Variants in CFAP47 observed in about 807,000 individuals in gnomAD.
The protein encoded by CFAP47 is cilia- and flagella-associated protein 47.
In CFAP47, 29 loss-of-function variants were observed where a neutral mutation model predicts 148.1. The ratio of observed to expected loss-of-function variants is 0.20; its 90% CI spans 0.15 to 0.27. The LOEUF (loss-of-function observed/expected upper bound fraction) is 0.27. CFAP47 is among the 10% of genes least tolerant of loss of function. CFAP47 has a pLI of 1.00. For missense variants in CFAP47, 1,872 were observed against 1,697.5 expected, an observed-to-expected ratio of 1.10 and a Z score of -1.81; for synonymous variants, 664 against 577.3, an observed-to-expected ratio of 1.15 and a Z score of -2.15.
intron 26 of CFAP47, among the ~76,000 whole-genome samples, chrX:36,056,036 C>T (rs1248621958): frequency 9.1e-6 from 1 of 109,661 alleles, no homozygotes; most frequent in Non-Finnish European, 1.9e-5. Flanking sequence ...TCTTTAAGTT[C>T]CTTGTACACT....
intron 57 of CFAP47, among the ~76,000 whole-genome samples, chrX:36,347,674 A>T (rs1401724037): frequency 9.0e-6 from 1 of 111,296 alleles, no homozygotes; most frequent in African/African-American, 3.3e-5. Flanking sequence ...GCAAACTATC[A>T]CAGGGTCAGA....
intron 49 of CFAP47, among the ~76,000 whole-genome samples, chrX:36,274,330 C>T (rs978166452): frequency 2.7e-5 from 3 of 111,631 alleles, no homozygotes. Context: ...TATGACTTTT[C>T]AACTTTATGA....
At chrX:36,218,367 G>A (rs1173575865) in intron 45 of CFAP47, among the ~76,000 whole-genome samples, 1 of 111,396 alleles carries the variant, frequency 9.0e-6, no homozygotes, top group African/African-American at 3.3e-5. Context: ...TCCTTGAAAG[G>A]TCCCCTCCTA....
At chrX:36,367,947 A>G (rs1602130200) in intron 62 of CFAP47, 1 of 111,804 alleles carries the variant, frequency 8.9e-6, no homozygotes, top group East Asian at 2.8e-4. Flanking sequence ...TATTTGATCC[A>G]TTTCTCGAGG....
intron 40 of CFAP47, among the ~76,000 whole-genome samples, chrX:36,184,074 G>T (rs767947089): frequency 1.9e-4 from 21 of 111,166 alleles, no homozygotes; most frequent in African/African-American, 6.5e-4. Context: ...CCCTACCAGT[G>T]GAGGAAGTTT....
chrX:36,062,661 T>G (rs776381929), intron 26 of CFAP47, among the ~76,000 whole-genome samples: 48 of 110,620 alleles, frequency 4.3e-4, no homozygotes, highest in African/African-American at 1.4e-3. Context: ...ATTTCCAGCA[T>G]AGGAAAATCC....
At chrX:36,252,546 G>A (rs1309114621) in intron 49 of CFAP47, among the ~76,000 whole-genome samples, 3 of 110,971 alleles carry the variant, frequency 2.7e-5, no homozygotes, top group Non-Finnish European at 3.8e-5. Context: ...TTTTTGAGAT[G>A]TTTAGATTTA....
At chrX:36,144,755 T>C (rs1339946325) in intron 35 of CFAP47, 1 of 1,024,941 alleles carries the variant, frequency 9.8e-7, no homozygotes. Context: ...TCGTGATCTC[T>C]TTCTCCCTTT....
chrX:36,238,512 G>A (rs782745268), intron 48 of CFAP47, among the ~76,000 whole-genome samples: 23 of 111,893 alleles, frequency 2.1e-4, no homozygotes, highest in African/African-American at 6.8e-4. Flanking sequence ...TCCTTAGGTT[G>A]CCTTACATTT....
At chrX:36,138,122 G>A (rs911663192) in intron 34 of CFAP47, 67 bp downstream of exon 34, 3 of 545,847 alleles carry the variant, frequency 5.5e-6, no homozygotes, top group African/African-American at 4.9e-5. Flanking sequence ...AAAATTTGAA[G>A]TGTATTTTCT....
chrX:36,268,623 A>C (rs955177139), intron 49 of CFAP47, among the ~76,000 whole-genome samples: 15 of 112,328 alleles, frequency 1.3e-4, no homozygotes, highest in African/African-American at 4.8e-4. Context: ...TTATTTAAAA[A>C]ATTAAACTTC....
At chrX:36,288,025 A>G (rs782305476) in intron 51 of CFAP47, among the ~76,000 whole-genome samples, 2 of 111,881 alleles carry the variant, frequency 1.8e-5, no homozygotes, top group South Asian at 3.7e-4. Context: ...ATACCTCCAG[A>G]TGTGGCAATG....
At chrX:36,238,054 CT>C (rs1231508901) in intron 48 of CFAP47, among the ~76,000 whole-genome samples, 5 of 109,648 alleles carry the variant, frequency 4.6e-5, no homozygotes, top group East Asian at 2.9e-4. Flanking sequence ...ATTTTAATGT[CT>C]TTTTTTTTCT....
intron 21 of CFAP47, among the ~76,000 whole-genome samples, chrX:36,004,333 G>A (rs1483441354): frequency 1.8e-5 from 2 of 110,839 alleles, no homozygotes; most frequent in Non-Finnish European, 3.8e-5. Context: ...AATCAGGAAG[G>A]CAATTTAATT....
intron 57 of CFAP47, among the ~76,000 whole-genome samples, chrX:36,343,800 G>A (rs190967040): frequency 2.0e-3 from 221 of 111,011 alleles, no homozygotes; most frequent in Admixed American, 3.3e-3. Context: ...TGTCCCCAGA[G>A]TGTGATATTC....
chrX:35,986,834 T>C (rs1209972374), intron 15 of CFAP47, among the ~76,000 whole-genome samples: 2 of 111,813 alleles, frequency 1.8e-5, no homozygotes, highest in Non-Finnish European at 3.8e-5. Context: ...TATTGCTTTC[T>C]GTTTGTTAGT....
At position 36,184,035 on chromosome X, in the gene CFAP47, G is replaced by A. The variant is rs181822050; in HGVS notation, c.6105-4585G>A. On this transcript the variant is annotated intron_variant, in intron 40 of 63. Transcript: ENST00000378653. ...ATAAGTCACATATCTGGCCCTCGAG[G>A]AACCAATCATCAAGCAGAAAACAAA... Among the ~76,000 whole-genome samples the A allele has an allele frequency of 1.8e-4, 20 of 110,507 alleles. No individual in the cohort carries two copies. The East Asian group carries it at 4.0e-3, about 22-fold the overall frequency.
chrX:36,182,453 A>C (rs1479447956), intron 40 of CFAP47, among the ~76,000 whole-genome samples: 1 of 112,157 alleles, frequency 8.9e-6, no homozygotes, highest in African/African-American at 3.2e-5. Context: ...TATTTCATCA[A>C]TCTGGCTTCT....
intron 39 of CFAP47, among the ~76,000 whole-genome samples, chrX:36,163,608 A>G (rs1040976085): frequency 9.0e-6 from 1 of 110,905 alleles, no homozygotes; most frequent in Non-Finnish European, 1.9e-5. Flanking sequence ...CATTAATCTT[A>G]AATTATTATT....
Sources: allele counts gnomAD v4.1 joint callset (sites outside exome capture counted in the v4.1 genomes callset), GRCh38; gene constraint gnomAD v4.1.1; transcripts MANE v1.5; gene names NCBI Gene and HGNC (gene_info 2026-07-23, HGNC 2026-07-21).